Variants in PTPN11 observed in about 807,000 individuals in gnomAD.
The protein encoded by PTPN11 is protein tyrosine phosphatase non-receptor type 11.
PTPN11 carries 6 observed loss-of-function variants against 78.8 expected under a neutral mutation model. That is an observed-to-expected ratio of 0.08 (90% CI 0.04 to 0.15). The LOEUF (loss-of-function observed/expected upper bound fraction) is 0.15. PTPN11 is among the 10% of genes least tolerant of loss of function. The pLI, the probability that PTPN11 is intolerant of heterozygous loss-of-function variation, is 1.00. For synonymous variants in PTPN11, 221 were observed against 263.5 expected, an observed-to-expected ratio of 0.84 and a Z score of 1.56; for missense variants, 386 against 744.8, an observed-to-expected ratio of 0.52 and a Z score of 5.61.
At chr12:112,440,703 A>G (rs1012837962) in intron 1 of PTPN11, among the ~76,000 whole-genome samples, 2 of 149,510 alleles carry the variant, frequency 1.3e-5, no homozygotes, top group African/African-American at 4.9e-5. Context: ...CCTCCCGAGT[A>G]TCTGAGATTA....
At chr12:112,477,538 T>A (rs2038523500) in intron 7 of PTPN11, 113 bp from the exon 8 acceptor site, 2 of 828,270 alleles carry the variant, frequency 2.4e-6, no homozygotes, top group Non-Finnish European at 4.0e-6. Context: ...ATGTGTTTTT[T>A]TTTCAATCAT....
At chr12:112,436,729 A>G (rs2037797717) in intron 1 of PTPN11, among the ~76,000 whole-genome samples, 1 of 147,862 alleles carries the variant, frequency 6.8e-6, no homozygotes, top group African/African-American at 2.5e-5. Context: ...TTTTTGGCTG[A>G]GAATAGCACT....
chr12:112,433,730 T>G (rs2037748487), intron 1 of PTPN11, among the ~76,000 whole-genome samples: 2 of 152,148 alleles, frequency 1.3e-5, no homozygotes, highest in East Asian at 3.9e-4. Flanking sequence ...GAAGGAGGAT[T>G]GCTTGAAGCC....
chr12:112,453,052 A>G (rs915682225), intron 3 of PTPN11, 143 bp from the exon 4 acceptor site: 24 of 716,636 alleles, frequency 3.3e-5, no homozygotes, highest in Middle Eastern at 7.8e-4. Flanking sequence ...TTTCTGTCTC[A>G]GGTGGGATTG....
intron 6 of PTPN11, among the ~76,000 whole-genome samples, chr12:112,471,679 AAAC>A (rs1253746934): frequency 6.6e-6 from 1 of 151,686 alleles, no homozygotes; most frequent in African/African-American, 2.4e-5. Flanking sequence ...GGGAAAAAAA[AAAC>A]AAGAAAAGGA....
At chr12:112,501,030 G>A (rs1014743352) in intron 13 of PTPN11, among the ~76,000 whole-genome samples, 1 of 152,076 alleles carries the variant, frequency 6.6e-6, no homozygotes, top group African/African-American at 2.4e-5. Context: ...TCAGCCTCCC[G>A]AGTAGCTGGG....
At chr12:112,452,899 T>C (rs1018081397) in intron 3 of PTPN11, among the ~76,000 whole-genome samples, 2 of 152,150 alleles carry the variant, frequency 1.3e-5, no homozygotes, top group African/African-American at 4.8e-5. Context: ...GAATGGCAAA[T>C]TGCATTTTTA....
chr12:112,423,292 T>A (rs1001244401), intron 1 of PTPN11, among the ~76,000 whole-genome samples: 1 of 148,170 alleles, frequency 6.7e-6, no homozygotes, highest in African/African-American at 2.5e-5. Flanking sequence ...AAATTTGAAA[T>A]TTTTTTTTTT....
intron 6 of PTPN11, among the ~76,000 whole-genome samples, chr12:112,461,395 G>A (rs955974898): frequency 6.7e-6 from 1 of 150,230 alleles, no homozygotes; most frequent in Non-Finnish European, 1.5e-5. Flanking sequence ...GTGCAGTGGC[G>A]CAAACACACA....
In PTPN11 at chr12:112,442,855, T is replaced by TATATATATATATAAATTATATATACAC. The variant is rs1429949497; in HGVS notation, c.15-3408_15-3407insAATTATATATACACATATATATATATA. The stretch of plus-strand genomic sequence containing the variant: ...TTATATATATATATATATATATATA[T>TATATATATATATAAATTATATATACAC]ATATATATATATATATATATATAAA... On this transcript the variant is annotated intron_variant, in intron 1 of 15. Coordinates refer to ENST00000351677, the MANE Select transcript of PTPN11 (RefSeq NM_002834.5). Among the ~76,000 whole-genome samples the TATATATATATATAAATTATATATACAC allele has an allele frequency of 5.8e-4, 55 of 95,578 alleles. 1 individual carries two copies. The highest frequency in any genetic ancestry group is 2.3e-3 in the African/African-American group (54 of 23,406). 62.7% of individuals were successfully genotyped at this position (95,578 alleles called of 152,430 possible). A position where few individuals can be genotyped will look rare whatever the true frequency, so the allele number is the denominator to read the frequency against.
intron 1 of PTPN11, among the ~76,000 whole-genome samples, chr12:112,419,659 AC>A (rs2037490187): frequency 6.6e-6 from 1 of 151,288 alleles, no homozygotes; most frequent in Non-Finnish European, 1.5e-5. Flanking sequence ...TTTTCCTCCT[AC>A]CCCTCACGTG....
intron 1 of PTPN11, among the ~76,000 whole-genome samples, chr12:112,435,265 C>A (rs975286199): frequency 1.3e-5 from 2 of 152,122 alleles, no homozygotes; most frequent in African/African-American, 4.8e-5. Flanking sequence ...AGCAATCCTC[C>A]CACCTCAGCC....
In PTPN11 at chr12:112,509,559, T is replaced by G. The variant is rs1293923334; in HGVS notation, c.*3767T>G. 1 of 152,670 alleles carries G rather than the reference T, an allele frequency of 6.6e-6. No individual in the cohort carries two copies. Among genetic ancestry groups the G allele is most frequent in the Non-Finnish European group, 1.5e-5 (1 of 68,042 alleles). 9.5% of individuals were successfully genotyped at this position (152,670 alleles called of 1,614,324 possible). On this transcript the variant is annotated 3_prime_UTR_variant, in exon 16 of 16. Coordinates refer to ENST00000351677, the MANE Select transcript of PTPN11 (RefSeq NM_002834.5). ...TATTAAAAGATATGTAATATTTTATTGATAAATCTATCCTTTAAAAGGAAT... is the reference window on the plus strand; with the variant it reads ...TATTAAAAGATATGTAATATTTTATGGATAAATCTATCCTTTAAAAGGAAT...
chr12:112,437,852 A>G (rs2037818309), intron 1 of PTPN11, among the ~76,000 whole-genome samples: 1 of 152,110 alleles, frequency 6.6e-6, no homozygotes, highest in African/African-American at 2.4e-5. Flanking sequence ...GAACCAGAAT[A>G]GGTTCAGAGA....
chr12:112,440,604 C>A (rs1269046554), intron 1 of PTPN11, among the ~76,000 whole-genome samples: 1 of 103,844 alleles, frequency 9.6e-6, no homozygotes, highest in South Asian at 3.7e-4. Context: ...GACAGAGTCT[C>A]GCTTTGTTGC....
In PTPN11 at chr12:112,488,503, A is replaced by G. The variant is rs780946087; in HGVS notation, c.1440A>G (p.Arg480=). Residue 480 remains arginine, a synonymous_variant, in exon 12 of 16, where the codon AGA becomes AGG. Transcript: ENST00000351677. The part of the protein sequence containing the change: ...IVIDILIDII[R]EKGVDCDIDV... ...TTGATATTCTTATTGACATCATCAG[A>G]GAGAAAGGTGGGTCATCTGGTGGGC... 6.2e-7 allele frequency: 1 copy of G among 1,610,054 alleles called. No homozygotes were observed. Among genetic ancestry groups the G allele is most frequent in the South Asian group, 1.1e-5 (1 of 91,000 alleles).
chr12:112,468,387 C>T (rs754168982), intron 6 of PTPN11, among the ~76,000 whole-genome samples: 3 of 152,146 alleles, frequency 2.0e-5, no homozygotes, highest in African/African-American at 7.2e-5. Flanking sequence ...GGGGAGGAAG[C>T]GCCCTTAGCA....
chr12:112,453,749 C>T (rs1251187775), intron 4 of PTPN11, among the ~76,000 whole-genome samples: 1 of 150,544 alleles, frequency 6.6e-6, no homozygotes, highest in Non-Finnish European at 1.5e-5. Flanking sequence ...CCTCCCTGGG[C>T]TCAGTTGATC....
intron 1 of PTPN11, among the ~76,000 whole-genome samples, chr12:112,438,205 A>G (rs2037824480): frequency 6.6e-6 from 1 of 152,190 alleles, no homozygotes; most frequent in Admixed American, 6.6e-5. Context: ...GAGGTTGAGC[A>G]GTCACTCACT....
Sources: allele counts gnomAD v4.1 joint callset (sites outside exome capture counted in the v4.1 genomes callset), GRCh38; gene constraint gnomAD v4.1.1; transcripts MANE v1.5; gene names NCBI Gene and HGNC (gene_info 2026-07-23, HGNC 2026-07-21).